Variants in MTG1 observed in about 807,000 individuals in gnomAD.
The protein encoded by MTG1 is mitochondrial ribosome associated GTPase 1.
MTG1 carries 30 observed loss-of-function variants against 39.5 expected under a neutral mutation model. The observed-to-expected ratio is 0.76, with a 90% CI of 0.57 to 1.03. MTG1 has a LOEUF of 1.03. Ranked by LOEUF, MTG1 falls within the 50% of genes least tolerant of loss-of-function variation. MTG1 has a pLI of 0.00. For synonymous variants in MTG1, 217 were observed against 179.0 expected (o/e 1.21, Z -1.69); for missense variants, 513 against 447.4 (o/e 1.15, Z -1.32).
At chr10:133,397,450 TTTC>T (rs1319100184) in intron 3 of MTG1, among the ~76,000 whole-genome samples, 1 of 149,070 alleles carries the variant, frequency 6.7e-6, no homozygotes, top group Non-Finnish European at 1.5e-5. Flanking sequence ...ACAGCTGTCT[TTTC>T]TTTTATCTCT....
intron 1 of MTG1, 182 bp downstream of exon 1, chr10:133,394,514 C>G: frequency 7.5e-7 from 1 of 1,332,900 alleles, no homozygotes; most frequent in Non-Finnish European, 9.6e-7. Context: ...GACCCCTTCC[C>G]CTGCGCAGCT....
rs201306366 is a variant in MTG1 at position 133,398,396 on chromosome 10, A to G, written c.283-39A>G. On this transcript the variant is annotated intron_variant, in intron 3 of 10. Transcript: ENST00000317502. ...GCCTGGGTGACAGAGCCAAGACTCCAGTAAAAAAAGTAACATAGAAATGTT... is the reference window on the plus strand; with the variant it reads ...GCCTGGGTGACAGAGCCAAGACTCCGGTAAAAAAAGTAACATAGAAATGTT... The G allele has an allele frequency of 1.8e-5, 28 of 1,599,290 alleles. No individual in the cohort carries two copies. The East Asian group carries it at 6.3e-4, about 36-fold the overall frequency.
chr10:133,410,478 C>G (rs956408061), intron 9 of MTG1, among the ~76,000 whole-genome samples: 1 of 152,146 alleles, frequency 6.6e-6, no homozygotes, highest in Non-Finnish European at 1.5e-5. Flanking sequence ...TCCTTTTTTA[C>G]TGTCTTCCTT....
chr10:133,411,938 G>T (rs1324873806), intron 9 of MTG1, among the ~76,000 whole-genome samples: 1 of 152,048 alleles, frequency 6.6e-6, no homozygotes, highest in Non-Finnish European at 1.5e-5. Context: ...TCTCATTAGG[G>T]TTGGCCACTG....
chr10:133,404,118 T>A (rs1307639344), intron 9 of MTG1, among the ~76,000 whole-genome samples: 1 of 145,494 alleles, frequency 6.9e-6, no homozygotes, highest in East Asian at 2.0e-4. Flanking sequence ...TCCTTATTGC[T>A]AAGTTTTAAT....
rs529571192 is a variant in MTG1 at position 133,414,329 on chromosome 10, ACG to A, written c.753-5150_753-5149del. Among the ~76,000 whole-genome samples, 382 of 151,952 alleles carry A rather than the reference ACG, an allele frequency of 2.5e-3. 5 individuals are homozygous for A. The highest frequency in any genetic ancestry group is 6.5e-3 in the African/African-American group (267 of 41,346). On this transcript the variant is annotated intron_variant, in intron 9 of 10. Transcript: ENST00000317502. Reference sequence around the variant, plus strand: ...CATGTCTACTTCTTTCTACACAGACACGGCAACCATCCGATTTCTCAATCTTT... The same window carrying A: ...CATGTCTACTTCTTTCTACACAGACAGCAACCATCCGATTTCTCAATCTTT...
chr10:133,404,129 C>CTTT (rs57165977), intron 9 of MTG1, among the ~76,000 whole-genome samples: 41,428 of 91,074 alleles, frequency 0.45, 10,765 homozygotes, highest in Non-Finnish European at 0.56. Flanking sequence ...AAGTTTTAAT[C>CTTT]TTTTTTTTTT....
intron 9 of MTG1, among the ~76,000 whole-genome samples, chr10:133,409,356 C>T (rs1255279356): frequency 6.6e-6 from 1 of 152,044 alleles, no homozygotes. Context: ...TTTGAGGTTC[C>T]TCTTGTTACT....
Position 133,396,275 on chromosome 10 carries a change from C to A in MTG1, c.282+8C>A. The A allele has an allele frequency of 1.2e-6, 2 of 1,609,948 alleles. No homozygotes were observed. Among genetic ancestry groups the A allele is most frequent in the Non-Finnish European group, 1.7e-6 (2 of 1,176,340 alleles). ...GATCTTACAGAGCAGCAGGTAAAGGCCTTTCTCTCAGACGCCTTCAGCAGT... is the reference window on the plus strand; with the variant it reads ...GATCTTACAGAGCAGCAGGTAAAGGACTTTCTCTCAGACGCCTTCAGCAGT... On this transcript the variant is annotated splice_region_variant and intron_variant, in intron 3 of 10. Transcript: ENST00000317502.
At chr10:133,409,961 G>A (rs1850021881) in intron 9 of MTG1, among the ~76,000 whole-genome samples, 2 of 147,852 alleles carry the variant, frequency 1.4e-5, no homozygotes, top group Admixed American at 6.8e-5. Flanking sequence ...TTGACTTTCA[G>A]TCTGCGTATG....
intron 9 of MTG1, among the ~76,000 whole-genome samples, chr10:133,415,717 A>C (rs1850114614): frequency 6.6e-6 from 1 of 152,196 alleles, no homozygotes. Context: ...CTTGTAGTTC[A>C]TTGAGATTTT....
At chr10:133,409,428 A>G (rs895256975) in intron 9 of MTG1, among the ~76,000 whole-genome samples, 2 of 152,108 alleles carry the variant, frequency 1.3e-5, no homozygotes, top group Admixed American at 6.5e-5. Flanking sequence ...ATTTGTTGAA[A>G]CTTGTTCTGT....
chr10:133,419,300 C>T (rs937193665), intron 9 of MTG1, among the ~76,000 whole-genome samples, 180 bp from the exon 10 acceptor site: 4 of 152,194 alleles, frequency 2.6e-5, no homozygotes, highest in South Asian at 2.1e-4. Context: ...GGCTCTCCCC[C>T]GGGGCCCAGC....
At chr10:133,401,872 C>T (rs1484296655) in intron 7 of MTG1, 6 of 606,484 alleles carry the variant, frequency 9.9e-6, no homozygotes, top group African/African-American at 3.7e-5. Context: ...CTGAGTGTGG[C>T]GCCCCCCGCC....
At chr10:133,419,803 G>A (rs1233331850) in intron 10 of MTG1, among the ~76,000 whole-genome samples, 2 of 152,174 alleles carry the variant, frequency 1.3e-5, no homozygotes, top group Admixed American at 1.3e-4. Flanking sequence ...CAGCCCTGCC[G>A]CGTATTGGGC....
intron 9 of MTG1, among the ~76,000 whole-genome samples, chr10:133,408,634 TTC>T (rs1850003029): frequency 6.6e-6 from 1 of 152,252 alleles, no homozygotes; most frequent in Non-Finnish European, 1.5e-5. Flanking sequence ...ATACTAGTTC[TTC>T]CTTAACTGTT....
chr10:133,401,673 G>A (rs754347936), intron 7 of MTG1, 83 bp downstream of exon 7: 15 of 1,376,192 alleles, frequency 1.1e-5, no homozygotes, highest in Admixed American at 3.5e-5. Flanking sequence ...TGTGGCTTCC[G>A]GCTGCTGACC....
intron 3 of MTG1, among the ~76,000 whole-genome samples, chr10:133,397,214 A>C (rs1346419562): frequency 6.6e-6 from 1 of 152,188 alleles, no homozygotes; most frequent in Admixed American, 6.5e-5. Context: ...AGCAGAAATA[A>C]TGGCGTAAGC....
At chr10:133,405,564 TC>T (rs565913358) in intron 9 of MTG1, among the ~76,000 whole-genome samples, 39 of 152,332 alleles carry the variant, frequency 2.6e-4, no homozygotes, top group Middle Eastern at 3.4e-3. Flanking sequence ...CGTTTTTAGC[TC>T]CCACATTTGA....
Sources: allele counts gnomAD v4.1 joint callset (sites outside exome capture counted in the v4.1 genomes callset), GRCh38; gene constraint gnomAD v4.1.1; transcripts MANE v1.5; gene names NCBI Gene and HGNC (gene_info 2026-07-23, HGNC 2026-07-21).